ABCC4: variants seen among roughly 807,000 people sequenced by gnomAD.
ABCC4 encodes ATP-binding cassette sub-family C member 4.
ABCC4 carries 102 observed loss-of-function variants against 168.5 expected under a neutral mutation model. That is an observed-to-expected ratio of 0.61 (90% CI 0.52 to 0.71). ABCC4 has a LOEUF of 0.71. Among genes scored for constraint, ABCC4 ranks in the 30% least tolerant of loss-of-function variants. ABCC4 has a pLI of 0.00. For synonymous variants in ABCC4, 617 were observed against 590.7 expected (o/e 1.04, Z -0.65); for missense variants, 1,402 against 1,605.8 (o/e 0.87, Z 2.17).
At chr13:95,150,530 TGAAGCTTGTC>T (rs1399892243) in intron 19 of ABCC4, among the ~76,000 whole-genome samples, 1 of 152,088 alleles carries the variant, frequency 6.6e-6, no homozygotes, top group Non-Finnish European at 1.5e-5. Context: ...AAATGTACTT[TGAAGCTTGTC>T]GAGTCTTTAT....
chr13:95,218,195 T>A (rs2039177946), intron 4 of ABCC4, among the ~76,000 whole-genome samples: 1 of 152,220 alleles, frequency 6.6e-6, no homozygotes, highest in Non-Finnish European at 1.5e-5. Flanking sequence ...GATGAGTATG[T>A]TTAATCACTT....
chr13:95,060,849 C>T lies in ABCC4; in HGVS notation c.3366+1855G>A, dbSNP rs138633167. Among the ~76,000 whole-genome samples, 198 of 152,282 alleles carry T rather than the reference C, an allele frequency of 1.3e-3. 1 individual carries two copies. Among genetic ancestry groups the T allele is most frequent in the African/African-American group, 4.4e-3 (183 of 41,570 alleles). Reference sequence around the variant, plus strand: ...CCATCACCACCATCCATTCACAAGACGCTTTTCATCTGACAAAACTGAAGT... The same window carrying T: ...CCATCACCACCATCCATTCACAAGATGCTTTTCATCTGACAAAACTGAAGT... On this transcript the variant is annotated intron_variant, in intron 26 of 30. Transcript: ENST00000645237.
intron 8 of ABCC4, among the ~76,000 whole-genome samples, chr13:95,199,181 T>C (rs978616451): frequency 1.3e-5 from 2 of 152,214 alleles, no homozygotes; most frequent in Admixed American, 1.3e-4. Flanking sequence ...CACAATGTTT[T>C]CTAAACTCTA....
chr13:95,283,044 A>G (rs9524884), intron 1 of ABCC4, among the ~76,000 whole-genome samples: 140,836 of 151,202 alleles, frequency 0.93, 65,731 homozygotes, highest in South Asian at 0.96. Context: ...GTGAAACCCC[A>G]TCTCTACTAA....
intron 20 of ABCC4, among the ~76,000 whole-genome samples, chr13:95,090,834 G>C (rs935786112): frequency 6.6e-6 from 1 of 152,112 alleles, no homozygotes; most frequent in East Asian, 1.9e-4. Flanking sequence ...AGCTAATCAG[G>C]GGGGCACCAG....
intron 29 of ABCC4, among the ~76,000 whole-genome samples, chr13:95,042,649 C>T (rs565280707): frequency 2.0e-5 from 3 of 152,202 alleles, no homozygotes; most frequent in African/African-American, 7.2e-5. Flanking sequence ...CTAATGGGCA[C>T]ACTTCAATAA....
chr13:95,069,511 T>C (rs1448705800), intron 25 of ABCC4, among the ~76,000 whole-genome samples: 5 of 152,222 alleles, frequency 3.3e-5, no homozygotes, highest in Non-Finnish European at 5.9e-5. Flanking sequence ...AGTTCAATTA[T>C]ATTAAATACA....
chr13:95,040,157 T>A (rs1160766828), intron 29 of ABCC4, among the ~76,000 whole-genome samples: 1 of 152,184 alleles, frequency 6.6e-6, no homozygotes, highest in Non-Finnish European at 1.5e-5. Flanking sequence ...CTGGGGAAGA[T>A]GAAGGGTAGG....
intron 15 of ABCC4, among the ~76,000 whole-genome samples, chr13:95,165,415 G>C (rs2037238674): frequency 6.6e-6 from 1 of 152,190 alleles, no homozygotes; most frequent in Non-Finnish European, 1.5e-5. Context: ...TCAGTCTCCT[G>C]GATTTGGATA....
At chr13:95,073,694 A>G (rs773240160) in intron 23 of ABCC4, among the ~76,000 whole-genome samples, 11 of 152,200 alleles carry the variant, frequency 7.2e-5, no homozygotes, top group Non-Finnish European at 1.2e-4. Context: ...GTAAGTGCCA[A>G]TGCTTTTGAG....
chr13:95,290,930 A>G (rs547849179), intron 1 of ABCC4, among the ~76,000 whole-genome samples: 13 of 143,910 alleles, frequency 9.0e-5, no homozygotes, highest in Non-Finnish European at 1.8e-4. Flanking sequence ...CCCGGGAGGC[A>G]GAGGTTGTAC....
intron 19 of ABCC4, among the ~76,000 whole-genome samples, chr13:95,123,507 G>A (rs910132105): frequency 1.3e-5 from 2 of 152,044 alleles, no homozygotes; most frequent in Non-Finnish European, 1.5e-5. Flanking sequence ...GAATACAGAC[G>A]TGCACCGCCA....
intron 1 of ABCC4, among the ~76,000 whole-genome samples, chr13:95,291,166 C>T (rs1009188898): frequency 1.3e-5 from 2 of 151,818 alleles, no homozygotes; most frequent in Non-Finnish European, 2.9e-5. Flanking sequence ...CTAGTCTGGG[C>T]AACATGGCAA....
chr13:95,079,055 A>C (rs1054553340), intron 21 of ABCC4, among the ~76,000 whole-genome samples: 2 of 152,222 alleles, frequency 1.3e-5, no homozygotes, highest in Non-Finnish European at 2.9e-5. Flanking sequence ...AAGGTATAGC[A>C]GGAATTTGTA....
At chr13:95,040,175 G>A (rs915004768) in intron 29 of ABCC4, among the ~76,000 whole-genome samples, 2 of 152,122 alleles carry the variant, frequency 1.3e-5, no homozygotes, top group South Asian at 4.1e-4. Flanking sequence ...AGGTCCCAGT[G>A]ACCCACTCAG....
intron 1 of ABCC4, among the ~76,000 whole-genome samples, chr13:95,296,971 A>T (rs1025227395): frequency 2.0e-5 from 3 of 152,224 alleles, no homozygotes; most frequent in African/African-American, 7.2e-5. Flanking sequence ...ATGAAACAAT[A>T]GCTAAAAGAA....
At chr13:95,094,311 G>A (rs988427010) in intron 20 of ABCC4, among the ~76,000 whole-genome samples, 10 of 152,132 alleles carry the variant, frequency 6.6e-5, no homozygotes, top group African/African-American at 1.9e-4. Flanking sequence ...AAAACAGCAT[G>A]GTACTGGTAT....
chr13:95,292,632 G>A (rs1009284224), intron 1 of ABCC4, among the ~76,000 whole-genome samples: 9 of 152,142 alleles, frequency 5.9e-5, no homozygotes, highest in African/African-American at 1.9e-4. Context: ...TCTGGCATTC[G>A]AATCTAAAGT....
Position 95,075,531 on chromosome 13 carries a change from G to A in ABCC4, c.2707C>T (p.His903Tyr), listed in dbSNP as rs1218797107. Reference sequence around the variant, plus strand: ...AGCCCCTGGAGAGAAGATGATAAGTGGGAAAACACTGGACTCCGAGCTGGG... The same window carrying A: ...AGCCCCTGGAGAGAAGATGATAAGTAGGAAAACACTGGACTCCGAGCTGGG... ...ESTTRSPVFS[H>Y]LSSSLQGLWT... Residue 903 changes from histidine (H) to tyrosine (Y), a missense_variant, in exon 22 of 31, where the codon CAC becomes TAC. His to Tyr is a moderately conservative substitution (Grantham distance 83, BLOSUM62 2). Around this residue, in one of 3 missense-constraint regions of ABCC4, gnomAD observed 1,007 missense variants for 1,127.3 expected, o/e 0.89. Transcript: ENST00000645237. The A allele has an allele frequency of 6.2e-7, 1 of 1,614,042 alleles. No homozygotes were observed. The highest frequency in any genetic ancestry group is 1.7e-5 in the Admixed American group (1 of 60,018).
Sources: allele counts gnomAD v4.1 joint callset (sites outside exome capture counted in the v4.1 genomes callset), GRCh38; gene constraint gnomAD v4.1.1; regional missense constraint gnomAD v4.1.1; transcripts MANE v1.5; gene names NCBI Gene and HGNC (gene_info 2026-07-23, HGNC 2026-07-21).